Variants in CCDC125 observed in about 807,000 individuals in gnomAD.
CCDC125 encodes the protein coiled-coil domain-containing protein 125.
Under a neutral mutation model 57.4 loss-of-function variants are expected in CCDC125, and 43 were observed. That is an observed-to-expected ratio of 0.75 (90% CI 0.59 to 0.97). CCDC125 has a LOEUF of 0.97. CCDC125 is among the 50% of genes least tolerant of loss of function. The probability of loss-of-function intolerance (pLI) is 0.00; values close to 1 mark genes in which losing one functional copy is unlikely to be tolerated. For missense variants in CCDC125, 563 were observed against 595.7 expected (o/e 0.95, Z 0.57); for synonymous variants, 187 against 195.2 (o/e 0.96, Z 0.35).
intron 10 of CCDC125, among the ~76,000 whole-genome samples, chr5:69,289,077 C>T (rs964626907): frequency 1.3e-5 from 2 of 152,198 alleles, no homozygotes; most frequent in Admixed American, 6.5e-5. Context: ...TCCTAATGGC[C>T]AAGCTCCACA....
intron 2 of CCDC125, among the ~76,000 whole-genome samples, chr5:69,316,293 AT>A (rs1759088371): frequency 6.6e-6 from 1 of 152,176 alleles, no homozygotes; most frequent in Non-Finnish European, 1.5e-5. Flanking sequence ...GGATTTTGAG[AT>A]GGGAGAGTAC....
At chr5:69,274,539 A>G in the CCDC125 span, among the ~76,000 whole-genome samples, 1 of 152,192 alleles carries the variant, frequency 6.6e-6, no homozygotes, top group African/African-American at 2.4e-5. Flanking sequence ...TACTGCAAAT[A>G]ATATTGGGAG....
chr5:69,328,853 G>A (rs560124020), intron 1 of CCDC125, among the ~76,000 whole-genome samples: 1 of 151,542 alleles, frequency 6.6e-6, no homozygotes, highest in East Asian at 2.0e-4. Context: ...GAGTGCAGTG[G>A]CGCCATCTCA....
At chr5:69,299,574 C>G (rs376891390) in intron 8 of CCDC125, among the ~76,000 whole-genome samples, 1 of 152,186 alleles carries the variant, frequency 6.6e-6, no homozygotes, top group Non-Finnish European at 1.5e-5. Context: ...ACAGATTGAC[C>G]TTGCCACCTC....
intron 8 of CCDC125, among the ~76,000 whole-genome samples, chr5:69,299,041 A>T (rs1210120601): frequency 2.0e-5 from 3 of 151,968 alleles, no homozygotes; most frequent in African/African-American, 7.3e-5. Context: ...TTAGAACATC[A>T]TCTGAACTTG....
At chr5:69,274,453 G>A in the CCDC125 span, among the ~76,000 whole-genome samples, 2 of 152,090 alleles carry the variant, frequency 1.3e-5, no homozygotes, top group Non-Finnish European at 2.9e-5. Flanking sequence ...TGGGCAACAT[G>A]ACAAAACATC....
intron 1 of CCDC125, among the ~76,000 whole-genome samples, chr5:69,329,493 T>G (rs1580265684): frequency 7.5e-6 from 1 of 133,936 alleles, no homozygotes; most frequent in African/African-American, 2.7e-5. Context: ...CAGCCAGGAT[T>G]CAAGTCTTTT....
At chr5:69,285,092 C>G (rs1222122100) in intron 11 of CCDC125, among the ~76,000 whole-genome samples, 1 of 150,158 alleles carries the variant, frequency 6.7e-6, no homozygotes, top group Non-Finnish European at 1.5e-5. Flanking sequence ...GACTCTGTCT[C>G]AAAAACCAAA....
Position 69,320,535 on chromosome 5 carries a change from G to T in CCDC125, c.6C>A (p.Ser2Arg). Residue 2 changes from serine to arginine, a missense_variant, in exon 2 of 12, where the codon AGC (serine) becomes AGA (arginine). Ser to Arg is a moderately radical substitution (Grantham distance 110). Coordinates refer to ENST00000396496, the MANE Select transcript of CCDC125 (RefSeq NM_176816.5). Reference protein sequence around the residue: MSKVARSSSESD... With the variant: MRKVARSSSESD... ...ACTCACTTGATGATCTTGCCACCTT[G>T]CTCATGAGCCAAATGCCGTCTTTAT... is the stretch of plus-strand genomic sequence containing the variant. The T allele has an allele frequency of 1.9e-6, 3 of 1,604,050 alleles. No homozygotes were observed. The highest frequency in any genetic ancestry group is 2.6e-6 in the Non-Finnish European group (3 of 1,175,000).
At chr5:69,276,121 TG>T (rs993568331), downstream of CCDC125, among the ~76,000 whole-genome samples, 3 of 152,174 alleles carry the variant, frequency 2.0e-5, no homozygotes, top group Non-Finnish European at 2.9e-5. Context: ...CCTCTGCCTC[TG>T]GGTTCAAGCG....
At chr5:69,295,148 C>T (rs1371798145) in intron 8 of CCDC125, among the ~76,000 whole-genome samples, 1 of 152,038 alleles carries the variant, frequency 6.6e-6, no homozygotes, top group Non-Finnish European at 1.5e-5. Flanking sequence ...TTTTACCTTC[C>T]TTCATCTCAC....
At chr5:69,320,132 G>A in intron 2 of CCDC125, 105 bp downstream of exon 2, 1 of 1,170,316 alleles carries the variant, frequency 8.5e-7, no homozygotes, top group Non-Finnish European at 1.2e-6. Context: ...AGAAAAAAAA[G>A]AAAATCTAAA....
At chr5:69,302,100 A>T (rs1056079664) in intron 7 of CCDC125, among the ~76,000 whole-genome samples, 2 of 151,498 alleles carry the variant, frequency 1.3e-5, no homozygotes, top group African/African-American at 4.8e-5. Flanking sequence ...ATAAATAAAT[A>T]AACAAATAAA....
chr5:69,279,486 G>A (rs528491098), downstream of CCDC125, among the ~76,000 whole-genome samples: 79 of 152,240 alleles, frequency 5.2e-4, no homozygotes, highest in Non-Finnish European at 9.3e-4. Flanking sequence ...GTGAGCCACC[G>A]TGCCCGGCCG....
At position 69,282,598 on chromosome 5, in the gene CCDC125, A is replaced by T; in HGVS notation, c.*131T>A. The T allele has an allele frequency of 1.4e-6, 1 of 699,220 alleles. No individual in the cohort carries two copies. The highest frequency in any genetic ancestry group is 2.3e-6 in the Non-Finnish European group (1 of 429,204). The allele number at this position is 699,220 out of a possible 1,614,324, so 43.3% of individuals were successfully genotyped here. A position where few individuals can be genotyped will look rare whatever the true frequency, so the allele number is the denominator to read the frequency against. On this transcript the variant is annotated 3_prime_UTR_variant, in exon 12 of 12. Coordinates refer to ENST00000396496, the MANE Select transcript of CCDC125 (RefSeq NM_176816.5). ...AGAAAATGTAGAAAATATTTGATTT[A>T]AGTGACCTCCTAAAATTTAGAAATA... is the stretch of plus-strand genomic sequence containing the variant.
downstream of CCDC125, chr5:69,276,680 C>T (rs781290895): frequency 1.9e-6 from 3 of 1,613,134 alleles, no homozygotes; most frequent in South Asian, 3.3e-5. Context: ...GAACAGAGGC[C>T]TTAGAACAAG....
intron 1 of CCDC125, among the ~76,000 whole-genome samples, chr5:69,321,582 G>C (rs1022494860): frequency 2.0e-5 from 3 of 152,120 alleles, no homozygotes; most frequent in Non-Finnish European, 4.4e-5. Context: ...GTTACACATG[G>C]GTCAATATTT....
intron 1 of CCDC125, among the ~76,000 whole-genome samples, chr5:69,329,289 G>A (rs1245403491): frequency 6.6e-6 from 1 of 151,820 alleles, no homozygotes; most frequent in African/African-American, 2.4e-5. Context: ...TCAGCCTCCC[G>A]AGTAGCTGGG....
chr5:69,301,713 TG>T (rs1756476497), intron 7 of CCDC125, among the ~76,000 whole-genome samples: 2 of 147,456 alleles, frequency 1.4e-5, no homozygotes, highest in Non-Finnish European at 3.0e-5. Context: ...CTAGCCTGGG[TG>T]ACAGAGTGAG....
Sources: allele counts gnomAD v4.1 joint callset (sites outside exome capture counted in the v4.1 genomes callset), GRCh38; gene constraint gnomAD v4.1.1; transcripts MANE v1.5; gene names NCBI Gene and HGNC (gene_info 2026-07-23, HGNC 2026-07-21).